The following SLX4IP variants were observed in gnomAD, a reference collection of about 807,000 sequenced individuals.
The protein encoded by SLX4IP is SLX4 interacting protein, also known as protein SLX4IP.
SLX4IP carries 34 observed loss-of-function variants against 32.9 expected under a neutral mutation model. The observed-to-expected ratio is 1.03, with a 90% confidence interval of 0.79 to 1.38. SLX4IP has a LOEUF of 1.38. Among genes scored for constraint, SLX4IP ranks in the 40% most tolerant of loss-of-function variants. The probability of loss-of-function intolerance (pLI) is 0.00; values close to 1 mark genes in which losing one functional copy is unlikely to be tolerated. For synonymous variants in SLX4IP, 172 were observed against 171.7 expected (o/e 1.00, Z -0.01); for missense variants, 444 against 479.0 (o/e 0.93, Z 0.68).
chr20:10,489,278 A>T (rs2065600211), intron 2 of SLX4IP, among the ~76,000 whole-genome samples: 1 of 152,110 alleles, frequency 6.6e-6, no homozygotes, highest in African/African-American at 2.4e-5. Flanking sequence ...AAGACATTGT[A>T]CTTGGTGCTG....
intron 6 of SLX4IP, among the ~76,000 whole-genome samples, chr20:10,606,733 G>A (rs2066910763): frequency 6.6e-6 from 1 of 152,208 alleles, no homozygotes. Context: ...GTCTCTGCTA[G>A]TGATCTGGAT....
chr20:10,534,241 G>C (rs949235071), intron 2 of SLX4IP, among the ~76,000 whole-genome samples: 2 of 152,158 alleles, frequency 1.3e-5, no homozygotes, highest in Admixed American at 6.5e-5. Flanking sequence ...TGTTGGCCCT[G>C]AGTCGGGGAG....
At chr20:10,437,430 C>A (rs1291905199) in intron 1 of SLX4IP, among the ~76,000 whole-genome samples, 2 of 152,140 alleles carry the variant, frequency 1.3e-5, no homozygotes, top group African/African-American at 4.8e-5. Flanking sequence ...AATTAAAGAG[C>A]CAGTAAGGAG....
At chr20:10,547,560 G>T (rs1308250137) in intron 2 of SLX4IP, among the ~76,000 whole-genome samples, 1 of 152,204 alleles carries the variant, frequency 6.6e-6, no homozygotes, top group Non-Finnish European at 1.5e-5. Flanking sequence ...GATTCACATT[G>T]TCAACCAGGG....
chr20:10,573,779 C>T (rs951983555), intron 4 of SLX4IP, among the ~76,000 whole-genome samples: 2 of 152,142 alleles, frequency 1.3e-5, no homozygotes, highest in African/African-American at 2.4e-5. Context: ...ACTGTGGAAA[C>T]GTGTTTTCTT....
intron 2 of SLX4IP, among the ~76,000 whole-genome samples, chr20:10,552,878 G>GA (rs536982941): frequency 2.9e-4 from 40 of 139,292 alleles, no homozygotes; most frequent in Admixed American, 1.1e-3. Context: ...AGGGTTACAA[G>GA]AAAAAAAAAC....
intron 1 of SLX4IP, among the ~76,000 whole-genome samples, chr20:10,445,652 T>C (rs1600878362): frequency 7.1e-6 from 1 of 141,830 alleles, no homozygotes; most frequent in African/African-American, 2.7e-5. Context: ...TGAGATGGAG[T>C]CTCACTCTGT....
intron 2 of SLX4IP, among the ~76,000 whole-genome samples, chr20:10,541,044 A>G (rs1019728736): frequency 6.6e-6 from 1 of 152,236 alleles, no homozygotes; most frequent in African/African-American, 2.4e-5. Flanking sequence ...CAGCAAAACT[A>G]AGGGATTATT....
chr20:10,556,764 T>C lies in SLX4IP; in HGVS notation c.117+444T>C, dbSNP rs370568242. On this transcript the variant is annotated intron_variant, in intron 3 of 7. Coordinates refer to ENST00000334534, the MANE Select transcript of SLX4IP (RefSeq NM_001009608.3). ...CAGCTTTTATTTTCTATCATCCTTG[T>C]ATTATCATGAGCCTTTGACAAGTCA... Among the ~76,000 whole-genome samples, 7 of 152,332 alleles carry C rather than the reference T, an allele frequency of 4.6e-5. No individual in the cohort carries two copies. The East Asian group carries it at 9.7e-4, about 21-fold the overall frequency.
At chr20:10,557,130 T>G (rs1055360404) in intron 3 of SLX4IP, among the ~76,000 whole-genome samples, 1 of 152,230 alleles carries the variant, frequency 6.6e-6, no homozygotes, top group Non-Finnish European at 1.5e-5. Flanking sequence ...AGTTGCTTTT[T>G]AGACTGAGAA....
intron 3 of SLX4IP, 141 bp from the exon 4 acceptor site, chr20:10,560,559 C>T (rs1478251497): frequency 1.7e-6 from 1 of 598,876 alleles, no homozygotes; most frequent in Non-Finnish European, 2.6e-6. Context: ...TATTCATGAG[C>T]ACATATGACA....
intron 2 of SLX4IP, 73 bp from the exon 3 acceptor site, chr20:10,556,158 T>C: frequency 1.4e-6 from 2 of 1,382,978 alleles, no homozygotes; most frequent in Non-Finnish European, 2.0e-6. Flanking sequence ...ACATAGGAAT[T>C]TGTGAGATTT....
chr20:10,608,743 C>A (rs1226261749), intron 6 of SLX4IP, among the ~76,000 whole-genome samples: 1 of 150,122 alleles, frequency 6.7e-6, no homozygotes, highest in Non-Finnish European at 1.5e-5. Flanking sequence ...TTATCAACAT[C>A]ATTTCCTTTC....
intron 6 of SLX4IP, among the ~76,000 whole-genome samples, chr20:10,615,937 C>A (rs1360687597): frequency 6.6e-6 from 1 of 152,078 alleles, no homozygotes; most frequent in Non-Finnish European, 1.5e-5. Flanking sequence ...GCCCTCATGG[C>A]CTAATTACAT....
chr20:10,525,322 G>C (rs1461034400), intron 2 of SLX4IP, among the ~76,000 whole-genome samples: 1 of 152,074 alleles, frequency 6.6e-6, no homozygotes, highest in Admixed American at 6.5e-5. Flanking sequence ...ACAGTAATTT[G>C]ATTTGCCAAT....
intron 2 of SLX4IP, among the ~76,000 whole-genome samples, chr20:10,463,828 C>A (rs556655172): frequency 3.3e-5 from 5 of 152,244 alleles, no homozygotes; most frequent in African/African-American, 1.2e-4. Context: ...GTTGCTCAGG[C>A]TGGAATGCAG....
intron 1 of SLX4IP, among the ~76,000 whole-genome samples, chr20:10,445,537 G>A (rs1246798616): frequency 6.6e-6 from 1 of 150,976 alleles, no homozygotes; most frequent in East Asian, 1.9e-4. Flanking sequence ...TGCTGGTCTT[G>A]AACTCCTGAC....
chr20:10,443,114 T>C (rs2065171770), intron 1 of SLX4IP, among the ~76,000 whole-genome samples: 1 of 152,178 alleles, frequency 6.6e-6, no homozygotes, highest in Non-Finnish European at 1.5e-5. Context: ...TATTATTTAT[T>C]TGGTGAAATA....
intron 2 of SLX4IP, among the ~76,000 whole-genome samples, chr20:10,469,359 G>A (rs1032347983): frequency 6.6e-6 from 1 of 151,802 alleles, no homozygotes; most frequent in Admixed American, 6.6e-5. Flanking sequence ...CCTTTTAGGA[G>A]TCCACAGTTC....
Sources: allele counts gnomAD v4.1 joint callset (sites outside exome capture counted in the v4.1 genomes callset), GRCh38; gene constraint gnomAD v4.1.1; transcripts MANE v1.5; gene names NCBI Gene and HGNC (gene_info 2026-07-23, HGNC 2026-07-21).